C5: variants seen among roughly 807,000 people sequenced by gnomAD.
C5 encodes complement C5.
A neutral mutation model predicts 218.8 loss-of-function variants in C5; 140 were observed. The ratio of observed to expected loss-of-function variants is 0.64; its 90% CI spans 0.56 to 0.74. The LOEUF (loss-of-function observed/expected upper bound fraction) is 0.74, where lower values mean the gene tolerates loss of function less well. Among genes scored for constraint, C5 ranks in the 30% least tolerant of loss-of-function variants. The probability of loss-of-function intolerance (pLI) is 0.00; values close to 1 mark genes in which losing one functional copy is unlikely to be tolerated. For synonymous variants in C5, 614 were observed against 682.3 expected (o/e 0.90, Z 1.56); for missense variants, 1,700 against 1,969.6 (o/e 0.86, Z 2.59).
intron 37 of C5, among the ~76,000 whole-genome samples, chr9:120,961,267 C>A (rs1255454737): frequency 6.6e-6 from 1 of 152,122 alleles, no homozygotes; most frequent in Non-Finnish European, 1.5e-5. Context: ...ATGGTGTTTC[C>A]CTGCCTCTGT....
At chr9:121,056,407 T>C in the C5 span, among the ~76,000 whole-genome samples, 2 of 152,220 alleles carry the variant, frequency 1.3e-5, no homozygotes, top group East Asian at 3.8e-4. Context: ...AACAAAGAGA[T>C]TGAAATTTTT....
At chr9:120,968,348 C>A (rs2046884644) in intron 33 of C5, among the ~76,000 whole-genome samples, 2 of 152,152 alleles carry the variant, frequency 1.3e-5, no homozygotes, top group African/African-American at 4.8e-5. Flanking sequence ...CCAAAGAACA[C>A]AGGTAGCCTC....
chr9:121,037,940 C>T lies in C5; in HGVS notation c.433G>A (p.Val145Ile), dbSNP rs17216529. The T allele has an allele frequency of 0.077, 114,757 of 1,498,624 alleles. 6,267 individuals are homozygous for T. Among genetic ancestry groups the T allele is most frequent in the African/African-American group, 0.24 (17,627 of 71,964 alleles). The allele number at this position is 1,498,624 out of a possible 1,614,324, so 92.8% of individuals were successfully genotyped here. A position where few individuals can be genotyped will look rare whatever the true frequency, so the allele number is the denominator to read the frequency against. The change falls in exon 4 of 41, where the codon GTT (valine) becomes ATT (isoleucine). Residue 145 changes from valine to isoleucine, a missense_variant. Transcript: ENST00000223642. ...TTCAAGTCGTCATTCAACGAATAAA[C>T]TCTAACTTTTACTGTAAGAATAATT... ...YTPDQSVKVR[V>I]YSLNDDLKPA...
intron 38 of C5, 49 bp downstream of exon 38, chr9:120,960,199 T>C: frequency 1.7e-6 from 2 of 1,147,556 alleles, no homozygotes; most frequent in Non-Finnish European, 2.6e-6. Flanking sequence ...TGAACACATA[T>C]TCATAAAATT....
At chr9:121,037,294 G>GT (rs1468172706) in intron 4 of C5, among the ~76,000 whole-genome samples, 1 of 135,704 alleles carries the variant, frequency 7.4e-6, no homozygotes, top group African/African-American at 2.8e-5. Context: ...GTGGTTTTTT[G>GT]TTTTTTGGTT....
rs62640868 is a variant in C5, at chr9:120,970,239, C to A, written c.4093G>T (p.Val1365Phe). ...TCCTCAGAGGTACTGGTTTTGTGAA[C>A]TACAGTTGTTACCTACATTGGGGAC... The part of the protein sequence containing the change: ...GLATVHVTTV[V>F]HKTSTSEEVC... Residue 1365 changes from valine (V) to phenylalanine (F), a missense_variant, in exon 32 of 41, where the codon GTT becomes TTT. By Grantham distance (50) the Val-to-Phe change is conservative (BLOSUM62 -1). Coordinates refer to ENST00000223642, the MANE Select transcript of C5 (RefSeq NM_001735.3). The A allele has an allele frequency of 2.6e-5, 42 of 1,611,190 alleles. No individual in the cohort carries two copies. The highest frequency in any genetic ancestry group is 5.0e-5 in the Admixed American group (3 of 59,990).
At chr9:120,956,441 A>C (rs757844207) in intron 39 of C5, among the ~76,000 whole-genome samples, 2 of 152,186 alleles carry the variant, frequency 1.3e-5, no homozygotes, top group Non-Finnish European at 2.9e-5. Context: ...CAAATGGAAA[A>C]ACATTCCACG....
At chr9:120,953,656 C>T (rs1213141152) in intron 40 of C5, 74 bp downstream of exon 40, 30 of 1,411,562 alleles carry the variant, frequency 2.1e-5, no homozygotes, top group Admixed American at 5.0e-5. Flanking sequence ...ATAAGAAACA[C>T]GTAGTGTATT....
rs778334317 is a variant in C5, at chr9:120,963,710, A to C, written c.4249T>G (p.Ser1417Ala). The stretch of plus-strand genomic sequence containing the variant: ...TCCATCACCGCATGAGAGGATCCAG[A>C]TGATGATTCTTCCCTGCTGGGCTTG... ...SYKPSREESS[S>A]GSSHAVMDIS... is the part of the protein sequence containing the mutation. Residue 1417 changes from serine (S) to alanine (A), a missense_variant, in exon 34 of 41, where the codon TCT becomes GCT. Physicochemically the swap from Ser to Ala is moderately conservative, Grantham distance 99. Transcript: ENST00000223642. 16 of 1,613,566 alleles carry C rather than the reference A, an allele frequency of 9.9e-6. No homozygotes were observed. In the South Asian group the frequency reaches 1.8e-4, roughly 18 times the overall value.
chr9:121,031,215 G>A (rs1305183634), intron 6 of C5, among the ~76,000 whole-genome samples: 2 of 151,678 alleles, frequency 1.3e-5, no homozygotes, highest in Non-Finnish European at 2.9e-5. Context: ...ACACAGAAAT[G>A]CTAGTAAACT....
chr9:120,993,781 A>G (rs2047095904), intron 22 of C5, among the ~76,000 whole-genome samples: 1 of 152,246 alleles, frequency 6.6e-6, no homozygotes, highest in South Asian at 2.1e-4. Flanking sequence ...TAGGATCTAT[A>G]GCACAATGTT....
At chr9:121,010,976 CAAAT>C (rs1025165356) in intron 17 of C5, among the ~76,000 whole-genome samples, 11 of 152,110 alleles carry the variant, frequency 7.2e-5, no homozygotes, top group African/African-American at 2.7e-4. Flanking sequence ...ATACAAAACT[CAAAT>C]AAAAATTGAT....
chr9:120,970,954 T>C (rs1319159118), intron 31 of C5, among the ~76,000 whole-genome samples: 3 of 152,110 alleles, frequency 2.0e-5, no homozygotes, highest in African/African-American at 7.2e-5. Context: ...GACGGATCAC[T>C]TGAGGTCAGG....
At chr9:121,025,690 T>C in intron 8 of C5, 110 bp from the exon 9 acceptor site, 3 of 1,044,956 alleles carry the variant, frequency 2.9e-6, no homozygotes, top group Non-Finnish European at 4.4e-6. Context: ...GTCAGAAGAA[T>C]GGTTTAGTGT....
At chr9:121,069,712 C>T in the C5 span, among the ~76,000 whole-genome samples, 1 of 152,028 alleles carries the variant, frequency 6.6e-6, no homozygotes, top group Non-Finnish European at 1.5e-5. Context: ...TGAGGTCTCA[C>T]TATCTTCTCC....
Position 121,021,546 on chromosome 9 carries a change from A to G in C5, c.1265T>C (p.Leu422Pro). The G allele has an allele frequency of 1.2e-6, 2 of 1,613,956 alleles. No homozygotes were observed. The highest frequency in any genetic ancestry group is 1.7e-6 in the Non-Finnish European group (2 of 1,179,892). Residue 422 changes from leucine (L) to proline (P), a missense_variant, in exon 11 of 41, where the codon CTT (leucine) becomes CCT (proline). Transcript: ENST00000223642. The part of the protein sequence containing the change: ...RVDDGVASFV[L>P]NLPSGVTVLE... ...CACCGTCACTCCAGATGGGAGATTA[A>G]GCACAAAGGAAGCTACTCCATCATC...
chr9:121,055,313 T>C, the C5 span, among the ~76,000 whole-genome samples: 1 of 152,092 alleles, frequency 6.6e-6, no homozygotes, highest in African/African-American at 2.4e-5. Context: ...CACAGATTTT[T>C]TTTCCTCTGT....
chr9:121,008,504 CAA>C lies in C5; in HGVS notation c.2258-8_2258-7del, dbSNP rs774327060. ...TGGTAACAGGGTCTTCATGTCTGGA[CAA>C]AAAAATCATATTCAATTATGGAAAA... On this transcript the variant is annotated splice_region_variant and splice_polypyrimidine_tract_variant and intron_variant, in intron 17 of 40. Coordinates refer to ENST00000223642, the MANE Select transcript of C5 (RefSeq NM_001735.3). 1 of 1,593,384 alleles carries C rather than the reference CAA, an allele frequency of 6.3e-7. No homozygotes were observed. Among genetic ancestry groups the C allele is most frequent in the African/African-American group, 1.3e-5 (1 of 74,466 alleles).
chr9:120,981,332 C>G (rs985896902), intron 27 of C5, among the ~76,000 whole-genome samples: 2 of 152,206 alleles, frequency 1.3e-5, no homozygotes, highest in Non-Finnish European at 2.9e-5. Context: ...TGGAAATCTT[C>G]TATGTTGATT....
Sources: allele counts gnomAD v4.1 joint callset (sites outside exome capture counted in the v4.1 genomes callset), GRCh38; gene constraint gnomAD v4.1.1; transcripts MANE v1.5; gene names NCBI Gene and HGNC (gene_info 2026-07-23, HGNC 2026-07-21).